Variants in ETV6 observed in about 807,000 individuals in gnomAD.
The protein encoded by ETV6 is ETS variant transcription factor 6.
Under a neutral mutation model 51.1 loss-of-function variants are expected in ETV6, and 16 were observed. The observed-to-expected ratio is 0.31, with a 90% CI of 0.21 to 0.48. The LOEUF (loss-of-function observed/expected upper bound fraction) is 0.48. Ranked by LOEUF, ETV6 falls within the 20% of genes least tolerant of loss-of-function variation. The pLI is 0.99. For synonymous variants in ETV6, 240 were observed against 224.1 expected (o/e 1.07, Z -0.64); for missense variants, 458 against 594.8 (o/e 0.77, Z 2.39).
At chr12:11,776,711 T>C (rs1945331222) in intron 2 of ETV6, among the ~76,000 whole-genome samples, 1 of 149,934 alleles carries the variant, frequency 6.7e-6, no homozygotes, top group Admixed American at 6.6e-5. Flanking sequence ...AAAAATATAA[T>C]CCAGTGAGCA....
intron 2 of ETV6, among the ~76,000 whole-genome samples, chr12:11,805,818 A>G (rs1287021724): frequency 6.6e-6 from 1 of 152,254 alleles, no homozygotes; most frequent in East Asian, 1.9e-4. Flanking sequence ...AGCAACAAGC[A>G]TCCGTGTCTG....
At chr12:11,730,023 T>C (rs1198114433) in intron 1 of ETV6, among the ~76,000 whole-genome samples, 1 of 152,184 alleles carries the variant, frequency 6.6e-6, no homozygotes, top group Non-Finnish European at 1.5e-5. Flanking sequence ...CTGGGGGATT[T>C]TTCTGTGCAA....
intron 1 of ETV6, among the ~76,000 whole-genome samples, chr12:11,687,597 C>G (rs1315381114): frequency 6.6e-6 from 1 of 152,078 alleles, no homozygotes; most frequent in Non-Finnish European, 1.5e-5. Flanking sequence ...GAACTTAAAA[C>G]ACAGTTCTAG....
Position 11,874,512 on chromosome 12 carries a change from G to C in ETV6, c.1009+4543G>C, listed in dbSNP as rs1236542001. On this transcript the variant is annotated intron_variant, in intron 5 of 7. Coordinates refer to ENST00000396373, the MANE Select transcript of ETV6 (RefSeq NM_001987.5). The stretch of plus-strand genomic sequence containing the variant: ...TGTACACACATATGTGTATGTGCGT[G>C]TGTACACACATATATGTGTATGTGC... Among the ~76,000 whole-genome samples, 2 of 20,110 alleles carry C rather than the reference G, an allele frequency of 9.9e-5. 1 individual carries two copies. Among genetic ancestry groups the C allele is most frequent in the African/African-American group, 2.0e-4 (2 of 9,792 alleles). The allele number at this position is 20,110 out of a possible 152,430, so 13.2% of individuals were successfully genotyped here. A position where few individuals can be genotyped will look rare whatever the true frequency, so the allele number is the denominator to read the frequency against.
chr12:11,722,990 G>A (rs890125895), intron 1 of ETV6, among the ~76,000 whole-genome samples: 4 of 152,164 alleles, frequency 2.6e-5, no homozygotes, highest in Admixed American at 6.5e-5. Flanking sequence ...TCCAGGGACC[G>A]CACTTTAATA....
chr12:11,778,307 C>T (rs986451204), intron 2 of ETV6, among the ~76,000 whole-genome samples: 9 of 152,350 alleles, frequency 5.9e-5, no homozygotes, highest in East Asian at 1.9e-4. Flanking sequence ...CGAGCGCACA[C>T]GCGTGTGCAC....
In ETV6 at chr12:11,895,060, A is replaced by G. The variant is rs1947371983; in HGVS notation, c.*4014A>G. On this transcript the variant is annotated 3_prime_UTR_variant, in exon 8 of 8. Transcript: ENST00000396373. ...CTAAAACCCACAGAAGACTAACCTG[A>G]TACTCTTTTGACCCAACTGCATCAA... 4.3e-6 allele frequency: 1 copy of G among 233,492 alleles called. No individual in the cohort carries two copies. 14.5% of individuals were successfully genotyped at this position (233,492 alleles called of 1,614,324 possible). A position where few individuals can be genotyped will look rare whatever the true frequency, so the allele number is the denominator to read the frequency against.
chr12:11,824,897 T>C (rs1183302284), intron 2 of ETV6, among the ~76,000 whole-genome samples: 1 of 152,060 alleles, frequency 6.6e-6, no homozygotes, highest in Non-Finnish European at 1.5e-5. Flanking sequence ...ATGAAAACAA[T>C]AGAAGAGAGG....
chr12:11,682,402 T>C (rs1864548368), intron 1 of ETV6, among the ~76,000 whole-genome samples: 1 of 152,194 alleles, frequency 6.6e-6, no homozygotes, highest in African/African-American at 2.4e-5. Flanking sequence ...TTGCCTACTT[T>C]TAGATGGGGT....
chr12:11,776,173 T>A (rs1945321577), intron 2 of ETV6, among the ~76,000 whole-genome samples: 1 of 152,162 alleles, frequency 6.6e-6, no homozygotes, highest in Admixed American at 6.5e-5. Flanking sequence ...TAGAATTGAT[T>A]CTTTACACTG....
intron 1 of ETV6, among the ~76,000 whole-genome samples, chr12:11,681,571 A>G (rs553868905): frequency 1.8e-4 from 28 of 152,106 alleles, no homozygotes; most frequent in Non-Finnish European, 3.5e-4. Context: ...ATTTATTATT[A>G]TTATTATCAT....
intron 1 of ETV6, among the ~76,000 whole-genome samples, chr12:11,702,688 A>G (rs1380192477): frequency 6.6e-6 from 1 of 152,102 alleles, no homozygotes; most frequent in Admixed American, 6.6e-5. Context: ...CTAGTGGTCC[A>G]TAGAACCTTG....
chr12:11,657,138 AAG>A (rs1864014377), intron 1 of ETV6, among the ~76,000 whole-genome samples: 2 of 152,118 alleles, frequency 1.3e-5, no homozygotes, highest in East Asian at 3.9e-4. Flanking sequence ...GAAACAGAGA[AAG>A]AGAGAGATGT....
chr12:11,827,004 C>T (rs1215072225), intron 2 of ETV6, among the ~76,000 whole-genome samples: 4 of 149,010 alleles, frequency 2.7e-5, no homozygotes, highest in Admixed American at 6.7e-5. Context: ...AAGCCATTTC[C>T]GTATGAATGT....
At chr12:11,741,698 C>G (rs146137803) in intron 1 of ETV6, among the ~76,000 whole-genome samples, 58 of 152,264 alleles carry the variant, frequency 3.8e-4, no homozygotes, top group African/African-American at 1.3e-3. Context: ...CAAATAATCT[C>G]TATTTTATGG....
At chr12:11,672,001 T>A (rs1254597661) in intron 1 of ETV6, among the ~76,000 whole-genome samples, 2 of 151,824 alleles carry the variant, frequency 1.3e-5, no homozygotes, top group Admixed American at 1.3e-4. Flanking sequence ...ATCCTTTTTT[T>A]TTTTTTTAAG....
intron 4 of ETV6, among the ~76,000 whole-genome samples, chr12:11,854,236 C>T (rs1409041728): frequency 6.6e-6 from 1 of 151,924 alleles, no homozygotes; most frequent in South Asian, 2.1e-4. Flanking sequence ...TCTAATGCCG[C>T]TGCTGATCTG....
intron 3 of ETV6, among the ~76,000 whole-genome samples, chr12:11,849,269 C>G (rs1946511062): frequency 1.3e-5 from 2 of 152,038 alleles, no homozygotes; most frequent in African/African-American, 4.8e-5. Flanking sequence ...CATCACCACG[C>G]CCAACTAATT....
At chr12:11,754,783 C>T (rs1944984263) in intron 2 of ETV6, among the ~76,000 whole-genome samples, 1 of 152,256 alleles carries the variant, frequency 6.6e-6, no homozygotes, top group Non-Finnish European at 1.5e-5. Flanking sequence ...GTAGTGCCTT[C>T]TGTGTGCCTA....
Sources: allele counts gnomAD v4.1 joint callset (sites outside exome capture counted in the v4.1 genomes callset), GRCh38; gene constraint gnomAD v4.1.1; transcripts MANE v1.5; gene names NCBI Gene and HGNC (gene_info 2026-07-23, HGNC 2026-07-21).